Variants in TMEM97 observed in about 807,000 individuals in gnomAD.
TMEM97 encodes sigma intracellular receptor 2.
In TMEM97, 13 loss-of-function variants were observed where a neutral mutation model predicts 18.3. The ratio of observed to expected loss-of-function variants is 0.71; its 90% CI spans 0.46 to 1.13. The LOEUF is 1.13. TMEM97 is among the 50% of genes most tolerant of loss of function. TMEM97 has a pLI of 0.00. For missense variants in TMEM97, 205 were observed against 210.5 expected, an observed-to-expected ratio of 0.97 and a Z score of 0.16; for synonymous variants, 76 against 85.3, an observed-to-expected ratio of 0.89 and a Z score of 0.60.
chr17:28,320,911 TCATA>T (rs2142154536), intron 1 of TMEM97, among the ~76,000 whole-genome samples: 1 of 152,310 alleles, frequency 6.6e-6, no homozygotes, highest in East Asian at 1.9e-4. Context: ...AAGACACTTG[TCATA>T]CATTCAGGGC....
rs1906355993 is a variant in TMEM97 at position 28,326,677 on chromosome 17, G to A, written c.415G>A (p.Glu139Lys). 6.2e-7 allele frequency: 1 copy of A among 1,614,138 alleles called. No homozygotes were observed. The highest frequency in any genetic ancestry group is 1.3e-5 in the African/African-American group (1 of 75,006). ...FKGQRPETLH[E>K]RLTLVSVYAP... ...GGGACAAAGACCTGAGACTTTGCATGAACGGTTAACCCTTGTGTCTGTCTA... is the reference window on the plus strand; with the variant it reads ...GGGACAAAGACCTGAGACTTTGCATAAACGGTTAACCCTTGTGTCTGTCTA... Residue 139 changes from glutamate (E) to lysine (K), a missense_variant, in exon 3 of 3, where the codon GAA becomes AAA. Glu to Lys is a moderately conservative substitution (Grantham distance 56). Coordinates refer to ENST00000226230, the MANE Select transcript of TMEM97 (RefSeq NM_014573.3).
intron 1 of TMEM97, among the ~76,000 whole-genome samples, chr17:28,322,327 C>T (rs60504648): frequency 0.024 from 3,625 of 151,960 alleles, 166 homozygotes; most frequent in African/African-American, 0.083. Flanking sequence ...TCACTGCAAC[C>T]TCTGCCTCTC....
In TMEM97 at chr17:28,319,359, A is replaced by T; in HGVS notation, c.120A>T (p.Pro40=). 1.3e-6 allele frequency: 2 copies of T among 1,595,124 alleles called. No homozygotes were observed. Among genetic ancestry groups the T allele is most frequent in the East Asian group, 4.7e-5 (2 of 42,798 alleles). The change falls in exon 1 of 3, where the codon CCA becomes CCT. Residue 40 remains proline (P), a synonymous_variant. Transcript: ENST00000226230. ...LQAVLPRELY[P]VEFRNLLKWY... is the part of the protein sequence containing the mutation. ...CGGTGCTGCCGCGCGAGCTCTACCC[A>T]GTCGAGGTGAGGGGCGCCCCTCTTA... is the stretch of plus-strand genomic sequence containing the variant.
rs782549771 is a variant in TMEM97 at position 28,319,223 on chromosome 17, G to A, written c.-17G>A. 4.4e-6 allele frequency: 7 copies of A among 1,596,946 alleles called. No individual in the cohort carries two copies. The highest frequency in any genetic ancestry group is 3.4e-5 in the Admixed American group (2 of 58,318). The stretch of plus-strand genomic sequence containing the variant: ...CCCTCTTCTCACATCAGCGGGTCCA[G>A]GCCCAACCGACAGACTATGGGGGCT... On this transcript the variant is annotated 5_prime_UTR_variant, in exon 1 of 3. Coordinates refer to ENST00000226230, the MANE Select transcript of TMEM97 (RefSeq NM_014573.3).
In TMEM97 at chr17:28,326,142, G is replaced by A. The variant is rs567623811; in HGVS notation, c.272-392G>A. On this transcript the variant is annotated intron_variant, in intron 2 of 2. Transcript: ENST00000226230. ...TAAGCTAAAACCACTGAAAATGCTC[G>A]TTTCCCATTGGCACCCCCTGGGGTC... Among the ~76,000 whole-genome samples the A allele has an allele frequency of 4.2e-4, 64 of 152,146 alleles. 1 individual carries two copies. The highest frequency in any genetic ancestry group is 1.6e-3 in the Admixed American group (25 of 15,276).
At chr17:28,319,407 C>G (rs974953605) in intron 1 of TMEM97, 42 bp downstream of exon 1, 2 of 1,371,916 alleles carry the variant, frequency 1.5e-6, no homozygotes, top group Non-Finnish European at 1.9e-6. Context: ...GAGGCTCTCC[C>G]GGCGCTGCGT....
rs140182368 is a variant in TMEM97, at chr17:28,327,726, A to G, written c.*933A>G. The stretch of plus-strand genomic sequence containing the variant: ...CAGCCCAACAATGACTTTCAGTCAA[A>G]TGGATTAAACTGGAAAATGTTTTTG... On this transcript the variant is annotated 3_prime_UTR_variant, in exon 3 of 3. Transcript: ENST00000226230. 1.3e-5 allele frequency: 2 copies of G among 152,390 alleles called. No homozygotes were observed. Among genetic ancestry groups the G allele is most frequent in the East Asian group, 3.9e-4 (2 of 5,192 alleles). 9.4% of individuals were successfully genotyped at this position (152,390 alleles called of 1,614,324 possible).
intron 2 of TMEM97, 61 bp downstream of exon 2, chr17:28,325,708 G>A (rs1906308140): frequency 6.2e-7 from 1 of 1,605,842 alleles, no homozygotes; most frequent in Non-Finnish European, 8.5e-7. Flanking sequence ...AAATCTTTTG[G>A]GAAAGTATCT....
rs1597781501 is a variant in TMEM97 at position 28,326,952 on chromosome 17, T to C, written c.*159T>C. ...TGGTGTCAGGAACCATGTCAAACCC[T>C]CACCTTCTTCCATTTTTTTTTTTTT... is the stretch of plus-strand genomic sequence containing the variant. On this transcript the variant is annotated 3_prime_UTR_variant, in exon 3 of 3. Transcript: ENST00000226230. The C allele has an allele frequency of 7.2e-6, 6 of 829,824 alleles. No homozygotes were observed. Among genetic ancestry groups the C allele is most frequent in the Middle Eastern group, 3.2e-4 (1 of 3,158 alleles). The allele number at this position is 829,824 out of a possible 1,614,324, so 51.4% of individuals were successfully genotyped here.
Position 28,326,671 on chromosome 17 carries a change from T to G in TMEM97, c.409T>G (p.Leu137Val), listed in dbSNP as rs148375437. The part of the protein sequence containing the change: ...SGFKGQRPET[L>V]HERLTLVSVY... ...TTTCAAGGGACAAAGACCTGAGACT[T>G]TGCATGAACGGTTAACCCTTGTGTC... Residue 137 changes from leucine to valine, a missense_variant, in exon 3 of 3, where the codon TTG (leucine) becomes GTG (valine). Physicochemically the swap from Leu to Val is conservative, Grantham distance 32. Coordinates refer to ENST00000226230, the MANE Select transcript of TMEM97 (RefSeq NM_014573.3). 1 of 1,614,172 alleles carries G rather than the reference T, an allele frequency of 6.2e-7. No individual in the cohort carries two copies. Among genetic ancestry groups the G allele is most frequent in the Admixed American group, 1.7e-5 (1 of 60,020 alleles).
chr17:28,321,099 G>A (rs1171592226), intron 1 of TMEM97, among the ~76,000 whole-genome samples: 1 of 152,204 alleles, frequency 6.6e-6, no homozygotes, highest in African/African-American at 2.4e-5. Flanking sequence ...CCCAAAGACC[G>A]AAGAGGTCAT....
At chr17:28,323,868 C>T (rs1439542934) in intron 1 of TMEM97, among the ~76,000 whole-genome samples, 1 of 152,128 alleles carries the variant, frequency 6.6e-6, no homozygotes, top group East Asian at 1.9e-4. Flanking sequence ...CTTGGTGGCG[C>T]ATACCTGTAG....
intron 1 of TMEM97, among the ~76,000 whole-genome samples, chr17:28,323,270 C>T (rs1906217179): frequency 6.6e-6 from 1 of 152,126 alleles, no homozygotes; most frequent in Non-Finnish European, 1.5e-5. Context: ...ATTATTACGA[C>T]ATCTGGGTGA....
intron 1 of TMEM97, among the ~76,000 whole-genome samples, chr17:28,324,963 C>A (rs1906275799): frequency 6.6e-6 from 1 of 151,678 alleles, no homozygotes; most frequent in Non-Finnish European, 1.5e-5. Flanking sequence ...TCACTCCCAC[C>A]CCCACCCCGC....
rs781785859 is a variant in TMEM97 at position 28,325,624 on chromosome 17, T to C, written c.248T>C (p.Ile83Thr). Reference protein sequence around the residue: ...ELVFQLPFFPIATYAFLKGSC... With the variant: ...ELVFQLPFFPTATYAFLKGSC... The stretch of plus-strand genomic sequence containing the variant: ...GTGTTTCAGCTGCCTTTCTTTCCCA[T>C]TGCAACGTATGCCTTCCTCAAAGGT... The change falls in exon 2 of 3, where the codon ATT becomes ACT. Residue 83 changes from isoleucine (I) to threonine (T), a missense_variant. By Grantham distance (89) the Ile-to-Thr change is moderately conservative. Transcript: ENST00000226230. 3.5e-5 allele frequency: 57 copies of C among 1,614,130 alleles called. No homozygotes were observed. The highest frequency in any genetic ancestry group is 4.7e-5 in the Non-Finnish European group (56 of 1,180,060).
intron 1 of TMEM97, among the ~76,000 whole-genome samples, chr17:28,321,378 T>C (rs1906134189): frequency 1.3e-5 from 2 of 152,346 alleles, no homozygotes; most frequent in Admixed American, 1.3e-4. Context: ...CAAAATACAC[T>C]TAAAAGGTGC....
At chr17:28,323,927 T>C (rs1555575174) in intron 1 of TMEM97, among the ~76,000 whole-genome samples, 2 of 152,166 alleles carry the variant, frequency 1.3e-5, no homozygotes, top group African/African-American at 4.8e-5. Context: ...GAGCCCGGGA[T>C]GTTGAGGCTG....
rs1555574672 is a variant in TMEM97 at position 28,319,338 on chromosome 17, G to A, written c.99G>A (p.Val33=). 4.4e-6 allele frequency: 7 copies of A among 1,607,706 alleles called. No homozygotes were observed. Among genetic ancestry groups the A allele is most frequent in the South Asian group, 1.1e-5 (1 of 90,732 alleles). ...CCCTGTTCATGGACCTGCAGGCGGT[G>A]CTGCCGCGCGAGCTCTACCCAGTCG... is the stretch of plus-strand genomic sequence containing the variant. ...PITLFMDLQA[V]LPRELYPVEF... is the part of the protein sequence containing the mutation. Residue 33 remains valine, a synonymous_variant, in exon 1 of 3, where the codon GTG becomes GTA. Transcript: ENST00000226230.
Position 28,325,696 on chromosome 17 carries a change from A to G in TMEM97, c.271+49A>G, listed in dbSNP as rs782561849. 5.6e-6 allele frequency: 9 copies of G among 1,611,176 alleles called. No individual in the cohort carries two copies. The Admixed American group carries it at 1.2e-4, about 21-fold the overall frequency. Reference sequence around the variant, plus strand: ...CATTTTTACTCAGAAATCAGGTCCCAGAAATCTTTTGGGAAAGTATCTCCA... The same window carrying G: ...CATTTTTACTCAGAAATCAGGTCCCGGAAATCTTTTGGGAAAGTATCTCCA... On this transcript the variant is annotated intron_variant, in intron 2 of 2. Transcript: ENST00000226230.
Sources: allele counts gnomAD v4.1 joint callset (sites outside exome capture counted in the v4.1 genomes callset), GRCh38; gene constraint gnomAD v4.1.1; transcripts MANE v1.5; gene names NCBI Gene and HGNC (gene_info 2026-07-23, HGNC 2026-07-21).